PRKAG2: variants seen among roughly 807,000 people sequenced by gnomAD.
PRKAG2 encodes 5'-AMP-activated protein kinase subunit gamma-2.
PRKAG2 carries 26 observed loss-of-function variants against 69.6 expected under a neutral mutation model. The observed-to-expected ratio is 0.37, with a 90% CI of 0.27 to 0.52. The LOEUF is 0.52. PRKAG2 is among the 20% of genes least tolerant of loss of function. PRKAG2 has a pLI of 0.90. For missense variants in PRKAG2, 557 were observed against 740.0 expected (o/e 0.75, Z 2.87); for synonymous variants, 293 against 285.0 (o/e 1.03, Z -0.28).
chr7:151,763,758 C>T (rs1331451183), intron 3 of PRKAG2, among the ~76,000 whole-genome samples: 3 of 152,228 alleles, frequency 2.0e-5, no homozygotes, highest in Non-Finnish European at 4.4e-5. Flanking sequence ...GCCAGCCATA[C>T]CCAGCTGTCT....
intron 8 of PRKAG2, among the ~76,000 whole-genome samples, chr7:151,573,759 G>C (rs1310926203): frequency 6.6e-6 from 1 of 152,058 alleles, no homozygotes; most frequent in Non-Finnish European, 1.5e-5. Flanking sequence ...AAAATCTTTG[G>C]TAAAACTTCC....
At chr7:151,653,746 G>T (rs1828929004) in intron 4 of PRKAG2, among the ~76,000 whole-genome samples, 1 of 152,172 alleles carries the variant, frequency 6.6e-6, no homozygotes, top group Non-Finnish European at 1.5e-5. Flanking sequence ...GGAGGCTGAG[G>T]CAGGAGAATC....
chr7:151,645,739 T>C (rs1269617084), intron 4 of PRKAG2, among the ~76,000 whole-genome samples: 1 of 152,240 alleles, frequency 6.6e-6, no homozygotes, highest in African/African-American at 2.4e-5. Context: ...TATTATATTA[T>C]GACTCATGCT....
chr7:151,566,171 C>T (rs544971896), intron 11 of PRKAG2, among the ~76,000 whole-genome samples: 64 of 152,272 alleles, frequency 4.2e-4, no homozygotes, highest in African/African-American at 1.5e-3. Context: ...GCGTATAGAA[C>T]CAGGGAAGAA....
At chr7:151,728,742 C>T (rs995482231) in intron 3 of PRKAG2, among the ~76,000 whole-genome samples, 1 of 152,168 alleles carries the variant, frequency 6.6e-6, no homozygotes. Context: ...CAGAGCCACG[C>T]CACTGTCACG....
At chr7:151,703,029 C>A (rs1399804003) in intron 3 of PRKAG2, among the ~76,000 whole-genome samples, 1 of 152,180 alleles carries the variant, frequency 6.6e-6, no homozygotes, top group African/African-American at 2.4e-5. Flanking sequence ...AGGGACCCAG[C>A]CTCTATGCTG....
chr7:151,714,316 A>G (rs1208186673), intron 3 of PRKAG2, among the ~76,000 whole-genome samples: 3 of 149,654 alleles, frequency 2.0e-5, no homozygotes, highest in African/African-American at 7.6e-5. Flanking sequence ...AGGGCTTCCG[A>G]GAGAGCCGTC....
intron 3 of PRKAG2, among the ~76,000 whole-genome samples, chr7:151,769,447 C>A (rs1174408308): frequency 6.6e-6 from 1 of 152,178 alleles, no homozygotes; most frequent in Non-Finnish European, 1.5e-5. Context: ...CAGACACACA[C>A]AGAGGAAGGC....
intron 1 of PRKAG2, among the ~76,000 whole-genome samples, chr7:151,849,303 C>T (rs962696175): frequency 6.6e-6 from 1 of 152,230 alleles, no homozygotes; most frequent in Non-Finnish European, 1.5e-5. Context: ...CTGGCCATGC[C>T]AGCTAGGCTC....
chr7:151,637,940 G>A (rs937174922), intron 4 of PRKAG2, among the ~76,000 whole-genome samples: 1 of 152,138 alleles, frequency 6.6e-6, no homozygotes, highest in Non-Finnish European at 1.5e-5. Context: ...AAAGCCGGGA[G>A]AAGAGGCGAA....
At chr7:151,871,377 A>G (rs553484519) in intron 1 of PRKAG2, among the ~76,000 whole-genome samples, 32 of 152,370 alleles carry the variant, frequency 2.1e-4, no homozygotes, top group African/African-American at 7.5e-4. Flanking sequence ...CCAACAGGCC[A>G]GGACTCTGAC....
intron 1 of PRKAG2, among the ~76,000 whole-genome samples, chr7:151,870,946 C>G (rs1475654986): frequency 2.0e-5 from 3 of 152,200 alleles, no homozygotes; most frequent in Non-Finnish European, 4.4e-5. Flanking sequence ...CCCCAGAGGG[C>G]CAGCGACATG....
rs1297114550 is a variant in PRKAG2 at position 151,632,865 on chromosome 7, T to C, written c.685-727A>G. On this transcript the variant is annotated intron_variant, in intron 4 of 15. Coordinates refer to ENST00000287878, the MANE Select transcript of PRKAG2 (RefSeq NM_016203.4). The surrounding 1 kb of genome is among the most constrained non-coding windows in gnomAD (Gnocchi z 4.2). ...CGCGTCCTCTCTTCGCAGCCGAGTG[T>C]CTTCTCGGTTGGGGAGCCGCTGCCA... The C allele has an allele frequency of 2.0e-5, 3 of 152,436 alleles. No homozygotes were observed. The highest frequency in any genetic ancestry group is 2.4e-5 in the African/African-American group (1 of 41,452). 9.4% of individuals were successfully genotyped at this position (152,436 alleles called of 1,614,324 possible).
intron 4 of PRKAG2, among the ~76,000 whole-genome samples, chr7:151,637,085 T>G (rs1442964121): frequency 6.6e-6 from 1 of 152,238 alleles, no homozygotes; most frequent in African/African-American, 2.4e-5. Context: ...CAGCAATGTA[T>G]GAGGATTCAA....
intron 4 of PRKAG2, among the ~76,000 whole-genome samples, chr7:151,655,839 C>A (rs2151413906): frequency 6.6e-6 from 1 of 152,292 alleles, no homozygotes; most frequent in East Asian, 1.9e-4. Context: ...AGAGTGCCAG[C>A]ACTTAGTAAG....
At chr7:151,602,555 A>C (rs1563230097) in intron 5 of PRKAG2, among the ~76,000 whole-genome samples, 1 of 152,208 alleles carries the variant, frequency 6.6e-6, no homozygotes, top group East Asian at 1.9e-4. Context: ...AAATTATTTC[A>C]ATGAACATTG....
At chr7:151,783,119 C>G (rs539845778) in intron 2 of PRKAG2, among the ~76,000 whole-genome samples, 1 of 152,298 alleles carries the variant, frequency 6.6e-6, no homozygotes, top group Non-Finnish European at 1.5e-5. Context: ...GCCCAAGCCC[C>G]GAGCCCGCGG....
At chr7:151,834,874 G>A (rs1202955720) in intron 1 of PRKAG2, among the ~76,000 whole-genome samples, 2 of 152,226 alleles carry the variant, frequency 1.3e-5, no homozygotes, top group African/African-American at 4.8e-5. Flanking sequence ...GTCTCTCTGA[G>A]GCTGAGAGGG....
intron 5 of PRKAG2, among the ~76,000 whole-genome samples, chr7:151,631,295 C>T (rs1824336288): frequency 6.6e-6 from 1 of 152,208 alleles, no homozygotes; most frequent in Admixed American, 6.5e-5. Context: ...CATCACATTT[C>T]ATTTTACATA....
Sources: gnomAD v4.1 joint callset for allele counts (sites outside exome capture counted in the v4.1 genomes callset) on GRCh38, gnomAD v4.1.1 for gene constraint, Gnocchi (gnomAD v3.1) non-coding constraint, MANE v1.5 for transcripts, NCBI Gene and HGNC (gene_info 2026-07-23, HGNC 2026-07-21) for gene names.